STAM: variants seen among roughly 807,000 people sequenced by gnomAD.
STAM encodes the protein signal transducing adaptor molecule.
A neutral mutation model predicts 63.4 loss-of-function variants in STAM; 16 were observed. The ratio of observed to expected loss-of-function variants is 0.25; its 90% CI spans 0.17 to 0.38. The LOEUF (loss-of-function observed/expected upper bound fraction) is 0.38. Ranked by LOEUF, STAM falls within the 10% of genes least tolerant of loss-of-function variation. The probability of loss-of-function intolerance (pLI) is 1.00; values close to 1 mark genes in which losing one functional copy is unlikely to be tolerated. For synonymous variants in STAM, 238 were observed against 223.9 expected, an observed-to-expected ratio of 1.06 and a Z score of -0.56; for missense variants, 636 against 657.1, an observed-to-expected ratio of 0.97 and a Z score of 0.35.
intron 8 of STAM, among the ~76,000 whole-genome samples, chr10:17,697,218 C>G (rs531410694): frequency 6.6e-6 from 1 of 152,210 alleles, no homozygotes; most frequent in Admixed American, 6.5e-5. Context: ...CGTGAGCCAT[C>G]GCACCTGGCC....
chr10:17,714,918 G>A lies in STAM; in HGVS notation c.*138G>A, dbSNP rs1836744510. The A allele has an allele frequency of 3.6e-6, 3 of 838,290 alleles. No homozygotes were observed. The highest frequency in any genetic ancestry group is 5.7e-6 in the Non-Finnish European group (3 of 525,910). The allele number at this position is 838,290 out of a possible 1,614,324, so 51.9% of individuals were successfully genotyped here. On this transcript the variant is annotated 3_prime_UTR_variant, in exon 14 of 14. Transcript: ENST00000377524. ...TCAACAGGTTCAAATATTCAAGAAG[G>A]TAGAACTCTCCTCAATTTACACTGA... is the stretch of plus-strand genomic sequence containing the variant.
At chr10:17,708,111 C>T (rs1363554780) in intron 12 of STAM, among the ~76,000 whole-genome samples, 6 of 152,020 alleles carry the variant, frequency 3.9e-5, no homozygotes, top group African/African-American at 9.7e-5. Flanking sequence ...AGGATGGTCT[C>T]GATCTCCTGA....
chr10:17,693,415 A>T, intron 6 of STAM, 103 bp downstream of exon 6: 1 of 944,854 alleles, frequency 1.1e-6, no homozygotes, highest in Non-Finnish European at 1.5e-6. Context: ...AAAAGCTGAA[A>T]TCTGCTTTGT....
At chr10:17,694,430 G>A (rs181567752) in intron 6 of STAM, among the ~76,000 whole-genome samples, 1 of 152,022 alleles carries the variant, frequency 6.6e-6, no homozygotes, top group Non-Finnish European at 1.5e-5. Context: ...GAGCAGAAAG[G>A]GTTCTGTGTT....
At chr10:17,679,430 G>T (rs1834991306) in intron 2 of STAM, among the ~76,000 whole-genome samples, 1 of 152,158 alleles carries the variant, frequency 6.6e-6, no homozygotes, top group Non-Finnish European at 1.5e-5. Context: ...TTGTTGAGAT[G>T]TAGGAGTTCT....
intron 1 of STAM, among the ~76,000 whole-genome samples, chr10:17,655,776 T>C (rs1407088003): frequency 6.6e-6 from 1 of 152,154 alleles, no homozygotes; most frequent in Non-Finnish European, 1.5e-5. Flanking sequence ...CCCCAACCCA[T>C]CTGTGTTTAA....
intron 1 of STAM, among the ~76,000 whole-genome samples, chr10:17,650,187 A>C (rs1833681910): frequency 1.3e-5 from 2 of 152,218 alleles, no homozygotes; most frequent in South Asian, 4.1e-4. Flanking sequence ...TATGATAGAA[A>C]GACCTTGGGC....
At chr10:17,692,175 G>A (rs1564558354) in intron 5 of STAM, among the ~76,000 whole-genome samples, 1 of 152,194 alleles carries the variant, frequency 6.6e-6, no homozygotes, top group East Asian at 1.9e-4. Context: ...CATCCAGCTA[G>A]AAAGTGGTAG....
chr10:17,650,126 C>G (rs568372506), intron 1 of STAM, among the ~76,000 whole-genome samples: 2 of 152,280 alleles, frequency 1.3e-5, no homozygotes, highest in East Asian at 3.9e-4. Flanking sequence ...CCTCATAAAT[C>G]ATAAGCTAGA....
chr10:17,644,338 A>G lies in STAM; in HGVS notation c.-2A>G. 1.2e-6 allele frequency: 2 copies of G among 1,614,100 alleles called. No individual in the cohort carries two copies. The highest frequency in any genetic ancestry group is 1.7e-6 in the Non-Finnish European group (2 of 1,180,016). On this transcript the variant is annotated 5_prime_UTR_variant, in exon 1 of 14. Coordinates refer to ENST00000377524, the MANE Select transcript of STAM (RefSeq NM_003473.4). The stretch of plus-strand genomic sequence containing the variant: ...CCGGGGACACCTCGGCACGCAGCGG[A>G]GATGCCTCTTTTTGCCACCAATCCC...
At chr10:17,661,821 G>A (rs770654713) in intron 2 of STAM, among the ~76,000 whole-genome samples, 2 of 152,108 alleles carry the variant, frequency 1.3e-5, no homozygotes, top group Non-Finnish European at 2.9e-5. Flanking sequence ...TTCAGGGGCT[G>A]TATACCCTCC....
chr10:17,645,364 A>C (rs1006861016), intron 1 of STAM, among the ~76,000 whole-genome samples: 1 of 152,152 alleles, frequency 6.6e-6, no homozygotes, highest in African/African-American at 2.4e-5. Flanking sequence ...TGAAAGGTGG[A>C]TGTTGAATTT....
intron 5 of STAM, among the ~76,000 whole-genome samples, chr10:17,688,770 T>C (rs1403962260): frequency 6.6e-6 from 1 of 152,002 alleles, no homozygotes; most frequent in Non-Finnish European, 1.5e-5. Flanking sequence ...GCCAGTACAG[T>C]TTTAATAATA....
At chr10:17,713,265 G>A (rs1554830266) in intron 13 of STAM, among the ~76,000 whole-genome samples, 1 of 152,086 alleles carries the variant, frequency 6.6e-6, no homozygotes, top group African/African-American at 2.4e-5. Context: ...TTCTCTGTTT[G>A]CAGCCGCTCC....
intron 2 of STAM, among the ~76,000 whole-genome samples, chr10:17,671,102 A>G (rs115496861): frequency 0.011 from 1,659 of 152,294 alleles, 35 homozygotes; most frequent in African/African-American, 0.037. Context: ...TCATTCAGCA[A>G]AGATTTGAGT....
chr10:17,692,421 TA>T (rs1835581570), intron 5 of STAM, among the ~76,000 whole-genome samples: 1 of 152,084 alleles, frequency 6.6e-6, no homozygotes, highest in South Asian at 2.1e-4. Flanking sequence ...ACGTTGTAAG[TA>T]GAAGTAAATG....
chr10:17,694,914 A>G lies in STAM; in HGVS notation c.536-135A>G, dbSNP rs560184609. 4.5e-5 allele frequency: 31 copies of G among 689,324 alleles called. No homozygotes were observed. In the South Asian group the frequency reaches 4.7e-4, roughly 10 times the overall value. 42.7% of individuals were successfully genotyped at this position (689,324 alleles called of 1,614,324 possible). Reference sequence around the variant, plus strand: ...AAACTGACAAAATGATTTTTGTTCAATGTATCAGGATATGTTCTAGTTTCT... The same window carrying G: ...AAACTGACAAAATGATTTTTGTTCAGTGTATCAGGATATGTTCTAGTTTCT... On this transcript the variant is annotated intron_variant, in intron 6 of 13. Transcript: ENST00000377524.
chr10:17,681,059 A>G (rs1835065442), intron 2 of STAM, among the ~76,000 whole-genome samples: 1 of 152,206 alleles, frequency 6.6e-6, no homozygotes, highest in South Asian at 2.1e-4. Flanking sequence ...TGTTTTACAC[A>G]GCACCTGTAG....
intron 13 of STAM, among the ~76,000 whole-genome samples, chr10:17,712,504 A>G (rs1472015669): frequency 2.6e-5 from 4 of 152,250 alleles, no homozygotes; most frequent in Admixed American, 2.6e-4. Context: ...ATAAATTACC[A>G]TCAAATAATG....
Sources: gnomAD v4.1 joint callset for allele counts (sites outside exome capture counted in the v4.1 genomes callset) on GRCh38, gnomAD v4.1.1 for gene constraint, MANE v1.5 for transcripts, NCBI Gene and HGNC (gene_info 2026-07-23, HGNC 2026-07-21) for gene names.